The following LDLRAD3 variants were observed in gnomAD, a reference collection of about 807,000 sequenced individuals.
LDLRAD3 encodes the protein low-density lipoprotein receptor class A domain-containing protein 3.
A neutral mutation model predicts 29.4 loss-of-function variants in LDLRAD3; 20 were observed. The observed-to-expected ratio is 0.68, with a 90% confidence interval of 0.48 to 0.99. LDLRAD3 has a LOEUF of 0.99. Ranked by LOEUF, LDLRAD3 falls within the 50% of genes least tolerant of loss-of-function variation. LDLRAD3 has a pLI of 0.00. For missense variants in LDLRAD3, 420 were observed against 454.3 expected, an observed-to-expected ratio of 0.92 and a Z score of 0.69; for synonymous variants, 157 against 192.7, an observed-to-expected ratio of 0.81 and a Z score of 1.53.
chr11:36,145,618 G>T (rs1170192504), intron 4 of LDLRAD3, among the ~76,000 whole-genome samples: 11 of 151,624 alleles, frequency 7.3e-5, no homozygotes, highest in Admixed American at 2.0e-4. Context: ...TGTCTGTGTA[G>T]AAAGAGGTAG....
intron 1 of LDLRAD3, among the ~76,000 whole-genome samples, chr11:36,020,602 G>A (rs58230129): frequency 0.078 from 11,906 of 152,200 alleles, 502 homozygotes; most frequent in South Asian, 0.14. Flanking sequence ...ATGAGTTGTC[G>A]GGGGAAGAAA....
chr11:36,035,055 C>G (rs991734361), intron 1 of LDLRAD3, among the ~76,000 whole-genome samples: 2 of 152,170 alleles, frequency 1.3e-5, no homozygotes, highest in African/African-American at 4.8e-5. Flanking sequence ...ATAATAAGCC[C>G]TAGCCTTTAT....
chr11:36,216,020 G>A (rs1855347882), intron 4 of LDLRAD3, among the ~76,000 whole-genome samples: 1 of 152,194 alleles, frequency 6.6e-6, no homozygotes, highest in Non-Finnish European at 1.5e-5. Flanking sequence ...GCGGCAGAGT[G>A]TCATACAGCC....
chr11:35,956,111 T>C (rs1851197690), intron 1 of LDLRAD3, among the ~76,000 whole-genome samples: 1 of 152,224 alleles, frequency 6.6e-6, no homozygotes, highest in Non-Finnish European at 1.5e-5. Flanking sequence ...GCCTCTCATA[T>C]GGATGGAAAG....
chr11:36,004,104 CT>C, intron 1 of LDLRAD3, among the ~76,000 whole-genome samples: 1 of 152,142 alleles, frequency 6.6e-6, no homozygotes, highest in East Asian at 1.9e-4. Flanking sequence ...ATATCATGTC[CT>C]TTTCACATTG....
At chr11:36,091,716 T>C (rs1853284034) in intron 3 of LDLRAD3, among the ~76,000 whole-genome samples, 1 of 152,180 alleles carries the variant, frequency 6.6e-6, no homozygotes, top group South Asian at 2.1e-4. Flanking sequence ...AGTAACATAA[T>C]ACATTTCTCA....
chr11:36,133,431 C>T (rs1351493836), intron 4 of LDLRAD3, among the ~76,000 whole-genome samples: 3 of 151,640 alleles, frequency 2.0e-5, no homozygotes, highest in African/African-American at 4.8e-5. Context: ...GCTCTGTTTT[C>T]CAGGTTGGTC....
intron 1 of LDLRAD3, among the ~76,000 whole-genome samples, chr11:36,004,027 A>C (rs943722813): frequency 6.6e-6 from 1 of 152,200 alleles, no homozygotes; most frequent in South Asian, 2.1e-4. Context: ...CTCTCCTCCA[A>C]TATGACATGA....
intron 4 of LDLRAD3, among the ~76,000 whole-genome samples, chr11:36,135,435 G>T (rs958599312): frequency 2.6e-5 from 4 of 152,098 alleles, no homozygotes; most frequent in Non-Finnish European, 4.4e-5. Context: ...CCTTCTTCCT[G>T]CCTTCTGTTC....
intron 4 of LDLRAD3, among the ~76,000 whole-genome samples, chr11:36,120,498 AAGTT>A (rs754951773): frequency 3.9e-5 from 6 of 152,196 alleles, no homozygotes; most frequent in Non-Finnish European, 8.8e-5. Context: ...ATCTTAGACT[AAGTT>A]AGCACAGGGA....
At chr11:35,978,851 A>G (rs931468420) in intron 1 of LDLRAD3, among the ~76,000 whole-genome samples, 1 of 152,174 alleles carries the variant, frequency 6.6e-6, no homozygotes, top group African/African-American at 2.4e-5. Context: ...AGCTTAAATT[A>G]TGCTTATCCT....
intron 3 of LDLRAD3, among the ~76,000 whole-genome samples, chr11:36,089,455 G>A (rs1191582824): frequency 6.7e-6 from 1 of 149,682 alleles, no homozygotes; most frequent in East Asian, 2.0e-4. Flanking sequence ...TTGAGATGGA[G>A]TCTCGCTCTG....
chr11:36,081,785 GCTGCGCA>G lies in LDLRAD3; in HGVS notation c.319+10_319+16del, dbSNP rs1853119867. ...AGCGATGAAGAGAACTGCAGTAAGT[GCTGCGCA>G]CTTGAACACTGTGATCCCTTGTTCT... On this transcript the variant is annotated splice_region_variant and intron_variant, in intron 3 of 5. Coordinates refer to ENST00000315571, the MANE Select transcript of LDLRAD3 (RefSeq NM_174902.4). 6.2e-7 allele frequency: 1 copy of G among 1,614,064 alleles called. No homozygotes were observed. Among genetic ancestry groups the G allele is most frequent in the Non-Finnish European group, 8.5e-7 (1 of 1,180,018 alleles).
At position 36,038,969 on chromosome 11, in the gene LDLRAD3, T is replaced by TCC. The variant is rs1852342178; in HGVS notation, c.193+2720_193+2721insCC. Reference sequence around the variant, plus strand: ...AATTCTACTTTCATTTAAAATTTCTTTCTTTTTTTTTTTTTTTTAGACGGA... The same window carrying TCC: ...AATTCTACTTTCATTTAAAATTTCTTCCTCTTTTTTTTTTTTTTTTAGACGGA... On this transcript the variant is annotated intron_variant, in intron 2 of 5. Coordinates refer to ENST00000315571, the MANE Select transcript of LDLRAD3 (RefSeq NM_174902.4). Among the ~76,000 whole-genome samples the TCC allele has an allele frequency of 4.0e-5, 3 of 74,532 alleles. No homozygotes were observed. The South Asian group carries it at 1.5e-3, about 37-fold the overall frequency. The allele number at this position is 74,532 out of a possible 152,430, so 48.9% of individuals were successfully genotyped here.
In LDLRAD3 at chr11:36,144,724, T is replaced by C. The variant is rs1232120601; in HGVS notation, c.454+46263T>C. Among the ~76,000 whole-genome samples the C allele has an allele frequency of 2.5e-4, 33 of 132,736 alleles. 1 individual carries two copies. The highest frequency in any genetic ancestry group is 8.5e-4 in the African/African-American group (29 of 34,300). The allele number at this position is 132,736 out of a possible 152,430, so 87.1% of individuals were successfully genotyped here. A position where few individuals can be genotyped will look rare whatever the true frequency, so the allele number is the denominator to read the frequency against. On this transcript the variant is annotated intron_variant, in intron 4 of 5. Coordinates refer to ENST00000315571, the MANE Select transcript of LDLRAD3 (RefSeq NM_174902.4). ...CCCCGTCTGGGAAGTGAGGAGCGTCTCCGCCCGGCAGCCACCCCGTCCGGG... is the reference window on the plus strand; with the variant it reads ...CCCCGTCTGGGAAGTGAGGAGCGTCCCCGCCCGGCAGCCACCCCGTCCGGG...
At chr11:36,061,151 TC>T (rs1265767946) in intron 2 of LDLRAD3, among the ~76,000 whole-genome samples, 1 of 152,106 alleles carries the variant, frequency 6.6e-6, no homozygotes, top group Non-Finnish European at 1.5e-5. Context: ...TCTTTTTTTT[TC>T]CCCTGAGACA....
intron 3 of LDLRAD3, among the ~76,000 whole-genome samples, chr11:36,084,477 A>AT (rs548269167): frequency 1.2e-4 from 18 of 152,096 alleles, no homozygotes; most frequent in East Asian, 5.8e-4. Context: ...AGTAAATACA[A>AT]TTTTTTTTAA....
intron 4 of LDLRAD3, among the ~76,000 whole-genome samples, chr11:36,176,454 G>GT (rs34449558): frequency 0.041 from 6,006 of 145,136 alleles, 144 homozygotes; most frequent in Middle Eastern, 0.076. Flanking sequence ...GTATTTCAAG[G>GT]TTTTTTTTTT....
At chr11:36,139,316 A>G (rs1047749753) in intron 4 of LDLRAD3, among the ~76,000 whole-genome samples, 1 of 152,196 alleles carries the variant, frequency 6.6e-6, no homozygotes, top group East Asian at 1.9e-4. Flanking sequence ...TGAAGACTTC[A>G]GTTCCAGTCC....
Sources: gnomAD v4.1 joint callset for allele counts (sites outside exome capture counted in the v4.1 genomes callset) on GRCh38, gnomAD v4.1.1 for gene constraint, MANE v1.5 for transcripts, NCBI Gene and HGNC (gene_info 2026-07-23, HGNC 2026-07-21) for gene names.